SLC2A13: variants seen among roughly 807,000 people sequenced by gnomAD.
SLC2A13 encodes proton myo-inositol cotransporter.
Under a neutral mutation model 64.4 loss-of-function variants are expected in SLC2A13, and 32 were observed. The observed-to-expected ratio is 0.50, with a 90% CI of 0.37 to 0.67. The LOEUF (loss-of-function observed/expected upper bound fraction) is 0.67. SLC2A13 is among the 30% of genes least tolerant of loss of function. SLC2A13 has a pLI of 0.00. For missense variants in SLC2A13, 743 were observed against 829.2 expected (o/e 0.90, Z 1.28); for synonymous variants, 338 against 327.1 (o/e 1.03, Z -0.36).
intron 3 of SLC2A13, among the ~76,000 whole-genome samples, chr12:39,981,366 A>C (rs1946891399): frequency 6.6e-6 from 1 of 152,144 alleles, no homozygotes; most frequent in African/African-American, 2.4e-5. Context: ...AAAACCCTTC[A>C]AAAAATCAAT....
chr12:40,092,614 C>CA (rs1938805046), intron 1 of SLC2A13, among the ~76,000 whole-genome samples: 14 of 152,160 alleles, frequency 9.2e-5, no homozygotes, highest in Admixed American at 9.2e-4. Flanking sequence ...TCCCAAGCCA[C>CA]AATGTGCCTG....
At chr12:39,889,781 T>C (rs1261789157) in intron 4 of SLC2A13, among the ~76,000 whole-genome samples, 3 of 152,054 alleles carry the variant, frequency 2.0e-5, no homozygotes, top group African/African-American at 4.8e-5. Flanking sequence ...CTGCCCGCCT[T>C]GGCCTCCCAA....
At chr12:40,045,987 C>A (rs1355586891) in intron 2 of SLC2A13, among the ~76,000 whole-genome samples, 2 of 152,160 alleles carry the variant, frequency 1.3e-5, no homozygotes, top group African/African-American at 4.8e-5. Context: ...TTCCTTCAGC[C>A]TCTCTTACAA....
chr12:39,850,962 C>T (rs933454826), intron 6 of SLC2A13, among the ~76,000 whole-genome samples: 8 of 150,136 alleles, frequency 5.3e-5, no homozygotes, highest in South Asian at 2.1e-4. Context: ...TGCAGTGGTG[C>T]GATTTCAGCT....
chr12:39,976,097 G>A (rs1423679632), intron 3 of SLC2A13, among the ~76,000 whole-genome samples: 1 of 152,146 alleles, frequency 6.6e-6, no homozygotes, highest in Admixed American at 6.5e-5. Flanking sequence ...CTTCTAATGG[G>A]GCTGAAAACA....
At chr12:40,103,367 T>C (rs1267480974) in intron 1 of SLC2A13, among the ~76,000 whole-genome samples, 3 of 152,344 alleles carry the variant, frequency 2.0e-5, no homozygotes, top group East Asian at 3.9e-4. Flanking sequence ...TGGAGATAAC[T>C]GTACCCCCTC....
chr12:39,991,173 G>C (rs1473766461), intron 3 of SLC2A13, among the ~76,000 whole-genome samples: 2 of 152,170 alleles, frequency 1.3e-5, no homozygotes, highest in Non-Finnish European at 2.9e-5. Flanking sequence ...GCAGTGCTTT[G>C]TAGAACTGCC....
chr12:39,820,717 T>TTATATATATATA (rs11272834), intron 7 of SLC2A13, among the ~76,000 whole-genome samples: 1 of 132,728 alleles, frequency 7.5e-6, no homozygotes, highest in Non-Finnish European at 1.7e-5. Context: ...ATTTTTAAAT[T>TTATATATATATA]TATATATATA....
intron 4 of SLC2A13, among the ~76,000 whole-genome samples, chr12:39,892,831 G>A (rs1944646188): frequency 6.6e-6 from 1 of 151,722 alleles, no homozygotes; most frequent in African/African-American, 2.4e-5. Flanking sequence ...AGTAAATAAG[G>A]AAAAACAACC....
intron 3 of SLC2A13, among the ~76,000 whole-genome samples, chr12:40,013,999 T>G (rs1947576459): frequency 6.6e-6 from 1 of 152,212 alleles, no homozygotes; most frequent in South Asian, 2.1e-4. Context: ...TTGGAACATA[T>G]CTATACTCAA....
chr12:40,083,397 T>C (rs1938479218), intron 1 of SLC2A13, among the ~76,000 whole-genome samples: 1 of 152,212 alleles, frequency 6.6e-6, no homozygotes, highest in Non-Finnish European at 1.5e-5. Context: ...ATTGGGACTG[T>C]CCTTGCAGCA....
intron 3 of SLC2A13, among the ~76,000 whole-genome samples, chr12:39,951,810 A>G (rs1046237936): frequency 6.6e-6 from 1 of 152,334 alleles, no homozygotes; most frequent in African/African-American, 2.4e-5. Context: ...AGCATTCATT[A>G]AGAAGAATTA....
chr12:40,073,690 C>T (rs1938052875), intron 1 of SLC2A13, among the ~76,000 whole-genome samples: 1 of 151,940 alleles, frequency 6.6e-6, no homozygotes, highest in South Asian at 2.1e-4. Context: ...TCTCTCAACA[C>T]TTTAAATATT....
chr12:40,038,317 T>C (rs1388803274), intron 2 of SLC2A13, among the ~76,000 whole-genome samples: 1 of 152,240 alleles, frequency 6.6e-6, no homozygotes, highest in Non-Finnish European at 1.5e-5. Flanking sequence ...CTTATTGTTA[T>C]TGGTTTCTAA....
chr12:39,954,238 G>A lies in SLC2A13; in HGVS notation c.926-2873C>T, dbSNP rs1006726290. 2.0e-5 allele frequency among the ~76,000 whole-genome samples: 3 copies of A among 152,184 alleles called. No individual in the cohort carries two copies. In the South Asian group the frequency reaches 6.2e-4, roughly 31 times the overall value. On this transcript the variant is annotated intron_variant, in intron 3 of 9. Transcript: ENST00000280871. ...AGTTTCCAGGCTGCAGCACAGGGCA[G>A]GTAAACCAGGCAGACATTGGTGTTT... is the stretch of plus-strand genomic sequence containing the variant.
chr12:40,004,554 G>GC (rs1186086921), intron 3 of SLC2A13, among the ~76,000 whole-genome samples: 1 of 151,680 alleles, frequency 6.6e-6, no homozygotes, highest in Non-Finnish European at 1.5e-5. Flanking sequence ...CTGGAATCAA[G>GC]CCCCCATGGA....
intron 7 of SLC2A13, among the ~76,000 whole-genome samples, chr12:39,782,248 G>C (rs1300173449): frequency 6.6e-6 from 1 of 152,112 alleles, no homozygotes; most frequent in Non-Finnish European, 1.5e-5. Context: ...ACATGGTTTG[G>C]CTGTGTCCCC....
chr12:40,014,319 C>G (rs888343273), intron 3 of SLC2A13, among the ~76,000 whole-genome samples: 2 of 149,402 alleles, frequency 1.3e-5, no homozygotes, highest in African/African-American at 4.9e-5. Flanking sequence ...ACTGATTTAC[C>G]TCAGAAGGAA....
intron 4 of SLC2A13, among the ~76,000 whole-genome samples, chr12:39,882,037 A>G (rs1042984827): frequency 6.6e-6 from 1 of 152,140 alleles, no homozygotes; most frequent in East Asian, 1.9e-4. Flanking sequence ...CTCAAGGCTC[A>G]CTTACTTGAA....
Sources: allele counts gnomAD v4.1 joint callset (sites outside exome capture counted in the v4.1 genomes callset), GRCh38; gene constraint gnomAD v4.1.1; transcripts MANE v1.5; gene names NCBI Gene and HGNC (gene_info 2026-07-23, HGNC 2026-07-21).